The following UBE2H variants were observed in gnomAD, a reference collection of about 807,000 sequenced individuals.
UBE2H encodes ubiquitin-conjugating enzyme E2 H.
A neutral mutation model predicts 29.0 loss-of-function variants in UBE2H; 3 were observed. The observed-to-expected ratio is 0.10, with a 90% CI of 0.05 to 0.27. The LOEUF is 0.27. Ranked by LOEUF, UBE2H falls within the 10% of genes least tolerant of loss-of-function variation. The pLI, the probability that UBE2H is intolerant of heterozygous loss-of-function variation, is 1.00. For missense variants in UBE2H, 68 were observed against 228.2 expected, an observed-to-expected ratio of 0.30 and a Z score of 4.52; for synonymous variants, 69 against 82.9, an observed-to-expected ratio of 0.83 and a Z score of 0.91.
chr7:129,907,527 A>AT (rs1806845192), intron 1 of UBE2H, among the ~76,000 whole-genome samples: 1 of 152,314 alleles, frequency 6.6e-6, no homozygotes, highest in East Asian at 1.9e-4. Flanking sequence ...ATAAAAGCAG[A>AT]TAAGTAGACA....
At chr7:129,864,666 C>T (rs1043000996) in intron 3 of UBE2H, among the ~76,000 whole-genome samples, 13 of 151,572 alleles carry the variant, frequency 8.6e-5, no homozygotes, top group Middle Eastern at 3.4e-3. Flanking sequence ...ATTCTCCTGC[C>T]TCAGCCTCTC....
intron 5 of UBE2H, chr7:129,839,538 G>C: frequency 1.8e-6 from 1 of 566,918 alleles, no homozygotes; most frequent in South Asian, 2.3e-5. Flanking sequence ...TGAAGAACGA[G>C]ATAAAGATAT....
intron 1 of UBE2H, among the ~76,000 whole-genome samples, chr7:129,935,809 T>G (rs530796088): frequency 6.6e-6 from 1 of 152,328 alleles, no homozygotes; most frequent in Admixed American, 6.5e-5. Context: ...TAGTATCCTC[T>G]CAACTTTCAT....
chr7:129,863,089 T>C (rs1251706741), intron 3 of UBE2H, among the ~76,000 whole-genome samples: 2 of 152,230 alleles, frequency 1.3e-5, no homozygotes, highest in Non-Finnish European at 2.9e-5. Context: ...AAGACTAAGG[T>C]GCCTCCCTCA....
chr7:129,891,150 A>G (rs973366043), intron 1 of UBE2H, among the ~76,000 whole-genome samples: 9 of 151,408 alleles, frequency 5.9e-5, no homozygotes, highest in African/African-American at 2.2e-4. Context: ...AAAAATAGTC[A>G]ACTTATAAAT....
At chr7:129,916,133 T>G (rs1584784131) in intron 1 of UBE2H, among the ~76,000 whole-genome samples, 1 of 151,880 alleles carries the variant, frequency 6.6e-6, no homozygotes, top group East Asian at 1.9e-4. Flanking sequence ...TGACTTCAGC[T>G]TTTTTTATAT....
At chr7:129,866,142 T>G (rs1397998244) in intron 3 of UBE2H, among the ~76,000 whole-genome samples, 1 of 152,140 alleles carries the variant, frequency 6.6e-6, no homozygotes, top group East Asian at 1.9e-4. Context: ...TCTTCTTGGG[T>G]GAGGAACCAG....
At chr7:129,878,050 C>G (rs1470704352) in intron 3 of UBE2H, among the ~76,000 whole-genome samples, 4 of 152,090 alleles carry the variant, frequency 2.6e-5, no homozygotes, top group Non-Finnish European at 4.4e-5. Flanking sequence ...TATCACTAAC[C>G]AACATAAGAG....
In UBE2H at chr7:129,952,950, A is replaced by C; in HGVS notation, c.-395T>G. ...CCTGCTCAGTCGGCCTCCCTACCCCAGCCTCGCTCTGGGCGCCGTGACGTC... is the reference window on the plus strand; with the variant it reads ...CCTGCTCAGTCGGCCTCCCTACCCCCGCCTCGCTCTGGGCGCCGTGACGTC... On this transcript the variant is annotated 5_prime_UTR_variant, in exon 1 of 7. Coordinates refer to ENST00000355621, the MANE Select transcript of UBE2H (RefSeq NM_003344.4). 2 of 155,376 alleles carry C rather than the reference A, an allele frequency of 1.3e-5. No individual in the cohort carries two copies. Among genetic ancestry groups the C allele is most frequent in the Non-Finnish European group, 2.8e-5 (2 of 70,270 alleles). 9.6% of individuals were successfully genotyped at this position (155,376 alleles called of 1,614,324 possible). A position where few individuals can be genotyped will look rare whatever the true frequency, so the allele number is the denominator to read the frequency against.
intron 1 of UBE2H, among the ~76,000 whole-genome samples, chr7:129,913,777 C>T (rs926297122): frequency 8.6e-5 from 13 of 151,842 alleles, no homozygotes; most frequent in Non-Finnish European, 1.3e-4. Flanking sequence ...GTACTCCAGC[C>T]TGAGCAAGAG....
intron 1 of UBE2H, among the ~76,000 whole-genome samples, chr7:129,951,890 T>C (rs1217683954): frequency 6.6e-6 from 1 of 152,032 alleles, no homozygotes; most frequent in Non-Finnish European, 1.5e-5. Flanking sequence ...AGGAAAACAG[T>C]AGGGTTCTCC....
intron 1 of UBE2H, among the ~76,000 whole-genome samples, chr7:129,896,304 A>C (rs981644428): frequency 1.3e-5 from 2 of 151,890 alleles, no homozygotes; most frequent in Non-Finnish European, 2.9e-5. Context: ...ACCACTGCAC[A>C]CCAGCCTGGG....
At chr7:129,883,431 A>G (rs1249526828) in intron 1 of UBE2H, among the ~76,000 whole-genome samples, 1 of 152,276 alleles carries the variant, frequency 6.6e-6, no homozygotes, top group Admixed American at 6.5e-5. Context: ...CCGATGTTTA[A>G]GAATGTTCAC....
chr7:129,838,526 T>C (rs1805370392), intron 6 of UBE2H, among the ~76,000 whole-genome samples: 1 of 152,214 alleles, frequency 6.6e-6, no homozygotes, highest in African/African-American at 2.4e-5. Flanking sequence ...TTCACAAACT[T>C]TGAATTCCTT....
intron 1 of UBE2H, among the ~76,000 whole-genome samples, chr7:129,927,306 C>G (rs1807289679): frequency 6.6e-6 from 1 of 152,102 alleles, no homozygotes; most frequent in Non-Finnish European, 1.5e-5. Context: ...CTTTGAGAGG[C>G]AGAGGGGGGT....
At chr7:129,912,938 G>A (rs1806967830) in intron 1 of UBE2H, among the ~76,000 whole-genome samples, 1 of 152,084 alleles carries the variant, frequency 6.6e-6, no homozygotes, top group Non-Finnish European at 1.5e-5. Context: ...TAAAAGTCAA[G>A]GTTTCAAAGA....
intron 5 of UBE2H, among the ~76,000 whole-genome samples, chr7:129,841,906 AT>A (rs754195158): frequency 6.6e-6 from 1 of 152,196 alleles, no homozygotes. Context: ...TTTATCTACA[AT>A]TTTTTTAAAA....
intron 1 of UBE2H, among the ~76,000 whole-genome samples, chr7:129,908,726 G>A (rs1472775791): frequency 6.6e-6 from 1 of 152,146 alleles, no homozygotes; most frequent in Non-Finnish European, 1.5e-5. Flanking sequence ...AAACACAAAT[G>A]AGCACCACCT....
chr7:129,890,440 T>C (rs1806460528), intron 1 of UBE2H, among the ~76,000 whole-genome samples: 1 of 151,980 alleles, frequency 6.6e-6, no homozygotes, highest in Non-Finnish European at 1.5e-5. Flanking sequence ...AATGCAATGG[T>C]GTGGTCTCGG....
Sources: allele counts gnomAD v4.1 joint callset (sites outside exome capture counted in the v4.1 genomes callset), GRCh38; gene constraint gnomAD v4.1.1; transcripts MANE v1.5; gene names NCBI Gene and HGNC (gene_info 2026-07-23, HGNC 2026-07-21).